PRELID2: variants seen among roughly 807,000 people sequenced by gnomAD.
The protein encoded by PRELID2 is PRELI domain-containing protein 2.
Under a neutral mutation model 28.4 loss-of-function variants are expected in PRELID2, and 25 were observed. The ratio of observed to expected loss-of-function variants is 0.88; its 90% CI spans 0.64 to 1.23. PRELID2 has a LOEUF of 1.23. Ranked by LOEUF, PRELID2 falls within the 50% of genes most tolerant of loss-of-function variation. PRELID2 has a pLI of 0.00. For missense variants in PRELID2, 201 were observed against 214.4 expected (o/e 0.94, Z 0.39); for synonymous variants, 76 against 71.6 (o/e 1.06, Z -0.31).
rs1339306277 is a variant in PRELID2 at position 145,500,138 on chromosome 5, C to A, written n.71-26823G>T. Reference sequence around the variant, plus strand: ...GTCTGATATGGTCTGGATCTGTGTCCCCACCAAAATCTCATATGGAATTAT... The same window carrying A: ...GTCTGATATGGTCTGGATCTGTGTCACCACCAAAATCTCATATGGAATTAT... On this transcript the variant is annotated intron_variant and non_coding_transcript_variant, in intron 1 of 2. Transcript: ENST00000510259. 2.0e-5 allele frequency among the ~76,000 whole-genome samples: 3 copies of A among 152,064 alleles called. No individual in the cohort carries two copies. The East Asian group carries it at 5.8e-4, about 29-fold the overall frequency.
chr5:145,624,111 A>G (rs1219494013), intron 1 of PRELID2, among the ~76,000 whole-genome samples: 3 of 152,170 alleles, frequency 2.0e-5, no homozygotes, highest in African/African-American at 7.2e-5. Context: ...GGGACATCCA[A>G]ATGGAGGGCA....
the PRELID2 span, chr5:145,381,442 A>G: frequency 6.6e-6 from 1 of 152,222 alleles, no homozygotes; most frequent in Non-Finnish European, 1.5e-5. Context: ...AAAAACCACA[A>G]TTAGTTTTTC....
the PRELID2 span, among the ~76,000 whole-genome samples, chr5:145,236,384 T>C: frequency 6.6e-6 from 1 of 152,110 alleles, no homozygotes; most frequent in South Asian, 2.1e-4. Flanking sequence ...TCCAAAGAAA[T>C]AGCTGTTACT....
At chr5:145,613,304 T>A (rs1753648120) in intron 1 of PRELID2, among the ~76,000 whole-genome samples, 1 of 152,052 alleles carries the variant, frequency 6.6e-6, no homozygotes, top group African/African-American at 2.4e-5. Context: ...TTATTTATTT[T>A]TTTATTATAC....
At chr5:145,421,784 G>A in the PRELID2 span, among the ~76,000 whole-genome samples, 1 of 133,374 alleles carries the variant, frequency 7.5e-6, no homozygotes, top group Non-Finnish European at 1.6e-5. Context: ...GCTTTTGAAT[G>A]TGTTTGCTCT....
chr5:145,390,613 G>A, the PRELID2 span, among the ~76,000 whole-genome samples: 1 of 152,072 alleles, frequency 6.6e-6, no homozygotes, highest in African/African-American at 2.4e-5. Flanking sequence ...TTTGGGTGGG[G>A]ACAGAGCCAA....
chr5:145,399,354 A>G, the PRELID2 span, among the ~76,000 whole-genome samples: 517 of 152,240 alleles, frequency 3.4e-3, 2 homozygotes, highest in African/African-American at 0.012. Context: ...ATTAATATAT[A>G]TAAATCACAT....
chr5:145,403,104 A>G, the PRELID2 span, among the ~76,000 whole-genome samples: 1 of 152,206 alleles, frequency 6.6e-6, no homozygotes, highest in Admixed American at 6.5e-5. Context: ...TCCTAGGGGA[A>G]TGCAAATGAG....
At chr5:145,599,964 A>G (rs1008078737) in intron 1 of PRELID2, among the ~76,000 whole-genome samples, 1 of 152,154 alleles carries the variant, frequency 6.6e-6, no homozygotes, top group African/African-American at 2.4e-5. Flanking sequence ...TAATCCAATA[A>G]TTTCAATAAC....
At chr5:145,253,083 C>T in the PRELID2 span, among the ~76,000 whole-genome samples, 1 of 152,082 alleles carries the variant, frequency 6.6e-6, no homozygotes, top group African/African-American at 2.4e-5. Context: ...CACTAAATTT[C>T]TTCTGGATTT....
At chr5:145,566,351 C>A (rs1350983426) in intron 1 of PRELID2, among the ~76,000 whole-genome samples, 1 of 152,218 alleles carries the variant, frequency 6.6e-6, no homozygotes, top group African/African-American at 2.4e-5. Context: ...TCAAGAGTAA[C>A]AACCAACCCA....
At chr5:145,729,953 C>T (rs2149725377) in intron 1 of PRELID2, among the ~76,000 whole-genome samples, 1 of 152,264 alleles carries the variant, frequency 6.6e-6, no homozygotes, top group Non-Finnish European at 1.5e-5. Flanking sequence ...TGAAAGGGAG[C>T]ATTGCATTAA....
Position 145,629,997 on chromosome 5 carries a change from G to A in PRELID2, n.70+134934C>T, listed in dbSNP as rs557293356. The stretch of plus-strand genomic sequence containing the variant: ...AAAACAAGGCATTTAAGCTTTAATG[G>A]GGATGAAAGATTCAAGACATTTCTG... On this transcript the variant is annotated intron_variant and non_coding_transcript_variant, in intron 1 of 2. Transcript: ENST00000510259. Among the ~76,000 whole-genome samples the A allele has an allele frequency of 4.6e-5, 7 of 152,260 alleles. No homozygotes were observed. In the East Asian group the frequency reaches 1.4e-3, roughly 29 times the overall value.
At chr5:145,323,311 G>C in the PRELID2 span, among the ~76,000 whole-genome samples, 1 of 152,132 alleles carries the variant, frequency 6.6e-6, no homozygotes, top group Non-Finnish European at 1.5e-5. Flanking sequence ...TGGAAGGTTG[G>C]CAAGGGCTGA....
intron 5 of PRELID2, among the ~76,000 whole-genome samples, chr5:145,775,503 C>T (rs1758355631): frequency 6.6e-6 from 1 of 152,148 alleles, no homozygotes; most frequent in Admixed American, 6.6e-5. Context: ...AGCACCTCCC[C>T]ATGTATGCAA....
At chr5:145,710,803 GT>G (rs540775913) in intron 1 of PRELID2, among the ~76,000 whole-genome samples, 41 of 152,292 alleles carry the variant, frequency 2.7e-4, no homozygotes, top group African/African-American at 9.4e-4. Context: ...CTTTACAGAG[GT>G]TTCCCAGAAG....
At chr5:145,725,860 C>CTTAGATAAT (rs1561559566) in intron 1 of PRELID2, among the ~76,000 whole-genome samples, 1 of 152,046 alleles carries the variant, frequency 6.6e-6, no homozygotes, top group Non-Finnish European at 1.5e-5. Flanking sequence ...TAGGGAAAAA[C>CTTAGATAAT]TTGATAATTA....
At chr5:145,433,877 T>C in the PRELID2 span, among the ~76,000 whole-genome samples, 1 of 152,220 alleles carries the variant, frequency 6.6e-6, no homozygotes, top group Non-Finnish European at 1.5e-5. Flanking sequence ...TTCCAACTTC[T>C]GTGCAACCAT....
the PRELID2 span, among the ~76,000 whole-genome samples, chr5:145,340,213 T>C: frequency 6.6e-6 from 1 of 152,106 alleles, no homozygotes; most frequent in Non-Finnish European, 1.5e-5. Flanking sequence ...TGGCACCTGA[T>C]CCCTCCTGCT....
Sources: allele counts gnomAD v4.1 joint callset (sites outside exome capture counted in the v4.1 genomes callset), GRCh38; gene constraint gnomAD v4.1.1; transcripts MANE v1.5; gene names NCBI Gene and HGNC (gene_info 2026-07-23, HGNC 2026-07-21).